The following NHERF1 variants were observed in gnomAD, a reference collection of about 807,000 sequenced individuals.
NHERF1 encodes the protein NHERF family PDZ scaffold protein 1, also known as Na(+)/H(+) exchange regulatory cofactor NHE-RF1.
At chr17:74,763,144 G>C in the NHERF1 span, 1 of 505,896 alleles carries the variant, frequency 2.0e-6, no homozygotes, top group Non-Finnish European at 3.5e-6. Flanking sequence ...GGATATTTTC[G>C]TTGGCCCTTC....
chr17:74,757,556 C>T, the NHERF1 span, among the ~76,000 whole-genome samples: 1 of 152,070 alleles, frequency 6.6e-6, no homozygotes, highest in African/African-American at 2.4e-5. Context: ...TGCCTGGAGC[C>T]CCTGGTCACT....
the NHERF1 span, chr17:74,767,002 G>A: frequency 3.7e-6 from 6 of 1,609,632 alleles, no homozygotes; most frequent in Non-Finnish European, 5.1e-6. Flanking sequence ...CTGTCTCTTT[G>A]GATTTCAATC....
chr17:74,756,284 T>C, the NHERF1 span, among the ~76,000 whole-genome samples: 45 of 128,334 alleles, frequency 3.5e-4, 1 homozygote, highest in African/African-American at 9.9e-4. Flanking sequence ...TTTTTTTTTT[T>C]TTTTTTTTTT....
At chr17:74,749,435 G>A in the NHERF1 span, 1 of 771,086 alleles carries the variant, frequency 1.3e-6, no homozygotes, top group African/African-American at 1.8e-5. The surrounding 1 kb of genome is among the most constrained non-coding windows in gnomAD (Gnocchi z 5.6). Context: ...CCGCCGACCA[G>A]GCGCCCTGAC....
the NHERF1 span, chr17:74,761,919 T>G: frequency 1.7e-5 from 23 of 1,382,148 alleles, no homozygotes; most frequent in East Asian, 6.9e-5. The surrounding 1 kb of genome is among the most constrained non-coding windows in gnomAD (Gnocchi z 4.3). Context: ...TCCCAAACCT[T>G]CCTTGGTTGG....
the NHERF1 span, among the ~76,000 whole-genome samples, chr17:74,763,777 ATCT>A: frequency 8.5e-5 from 13 of 152,316 alleles, no homozygotes; most frequent in African/African-American, 3.1e-4. Flanking sequence ...AGATGGACAG[ATCT>A]TCTTATTCCC....
chr17:74,760,269 C>T, the NHERF1 span, among the ~76,000 whole-genome samples: 1 of 152,094 alleles, frequency 6.6e-6, no homozygotes, highest in Non-Finnish European at 1.5e-5. This position sits in a 1 kb window ranked among gnomAD's most constrained non-coding sequence, Gnocchi z 4.5. Flanking sequence ...TGGGAGTGGG[C>T]CCTGCAGTGA....
the NHERF1 span, chr17:74,767,888 G>A: frequency 1.5e-5 from 9 of 586,896 alleles, no homozygotes; most frequent in East Asian, 3.5e-5. Flanking sequence ...GAGAGGGAGC[G>A]GTTCAGCTAA....
chr17:74,764,280 T>A, the NHERF1 span, among the ~76,000 whole-genome samples: 1 of 152,180 alleles, frequency 6.6e-6, no homozygotes, highest in East Asian at 1.9e-4. This position sits in a 1 kb window ranked among gnomAD's most constrained non-coding sequence, Gnocchi z 4.9. Flanking sequence ...CAAGGTTGTA[T>A]GTGTAAAAGG....
the NHERF1 span, among the ~76,000 whole-genome samples, chr17:74,749,912 G>A: frequency 6.6e-6 from 1 of 152,220 alleles, no homozygotes; most frequent in Non-Finnish European, 1.5e-5. The surrounding 1 kb of genome is among the most constrained non-coding windows in gnomAD (Gnocchi z 5.6). Flanking sequence ...GGCGGTGTGG[G>A]GGTTGCCTGG....
At chr17:74,751,861 T>C in the NHERF1 span, among the ~76,000 whole-genome samples, 29 of 152,384 alleles carry the variant, frequency 1.9e-4, 1 homozygote, top group South Asian at 5.8e-3. This position sits in a 1 kb window ranked among gnomAD's most constrained non-coding sequence, Gnocchi z 4.3. Context: ...ACCTCACCTC[T>C]GTAAGCCTCC....
At chr17:74,754,214 G>A in the NHERF1 span, among the ~76,000 whole-genome samples, 1 of 151,780 alleles carries the variant, frequency 6.6e-6, no homozygotes, top group African/African-American at 2.4e-5. Flanking sequence ...TGTTGGTGCT[G>A]CAGGACTCTT....
the NHERF1 span, among the ~76,000 whole-genome samples, chr17:74,761,838 C>T: frequency 6.6e-6 from 1 of 152,232 alleles, no homozygotes; most frequent in African/African-American, 2.4e-5. The surrounding 1 kb of genome is among the most constrained non-coding windows in gnomAD (Gnocchi z 4.3). Flanking sequence ...TGGGTATCCA[C>T]ACAAGTCTTT....
At chr17:74,759,977 T>C in the NHERF1 span, among the ~76,000 whole-genome samples, 7 of 151,518 alleles carry the variant, frequency 4.6e-5, no homozygotes, top group Admixed American at 2.0e-4. Context: ...TGGAGGGAGG[T>C]TGGAGGAGGT....
the NHERF1 span, among the ~76,000 whole-genome samples, chr17:74,760,779 C>T: frequency 2.0e-5 from 3 of 152,230 alleles, no homozygotes; most frequent in African/African-American, 7.2e-5. This position sits in a 1 kb window ranked among gnomAD's most constrained non-coding sequence, Gnocchi z 4.5. Flanking sequence ...AAGTCAATGA[C>T]CTCACTGGGC....
the NHERF1 span, chr17:74,763,581 G>A: frequency 1.3e-6 from 2 of 1,526,852 alleles, no homozygotes; most frequent in East Asian, 2.4e-5. Flanking sequence ...AGGGATGTGA[G>A]CCAGGGCTAA....
chr17:74,762,053 C>T, the NHERF1 span: 1 of 1,614,156 alleles, frequency 6.2e-7, no homozygotes, highest in Non-Finnish European at 8.5e-7. The surrounding 1 kb of genome is among the most constrained non-coding windows in gnomAD (Gnocchi z 4.2). Flanking sequence ...AGAAGGGCCC[C>T]AGTGGCTATG....
At chr17:74,751,005 C>T in the NHERF1 span, among the ~76,000 whole-genome samples, 3 of 152,164 alleles carry the variant, frequency 2.0e-5, no homozygotes, top group African/African-American at 7.2e-5. This position sits in a 1 kb window ranked among gnomAD's most constrained non-coding sequence, Gnocchi z 4.3. Flanking sequence ...AGGAGAGCCA[C>T]CAGCAAATCC....
the NHERF1 span, among the ~76,000 whole-genome samples, chr17:74,752,121 A>C: frequency 9.9e-5 from 15 of 152,224 alleles, no homozygotes; most frequent in African/African-American, 3.4e-4. Flanking sequence ...TGCCTGATCG[A>C]TGGTCACTGT....
Sources: gnomAD v4.1 joint callset for allele counts (sites outside exome capture counted in the v4.1 genomes callset) on GRCh38, gnomAD v4.1.1 for gene constraint, Gnocchi (gnomAD v3.1) non-coding constraint, MANE v1.5 for transcripts, NCBI Gene and HGNC (gene_info 2026-07-23, HGNC 2026-07-21) for gene names.